CRYM: variants seen among roughly 807,000 people sequenced by gnomAD.
The protein encoded by CRYM is crystallin mu.
Under a neutral mutation model 32.9 loss-of-function variants are expected in CRYM, and 18 were observed. The ratio of observed to expected loss-of-function variants is 0.55; its 90% CI spans 0.38 to 0.81. The LOEUF is 0.81. Among genes scored for constraint, CRYM ranks in the 30% least tolerant of loss-of-function variants. The pLI, the probability that CRYM is intolerant of heterozygous loss-of-function variation, is 0.00. For missense variants in CRYM, 337 were observed against 393.5 expected (o/e 0.86, Z 1.21); for synonymous variants, 153 against 152.4 (o/e 1.00, Z -0.03).
At chr16:21,262,013 T>C in intron 6 of CRYM, 24 bp downstream of exon 6, 2 of 1,613,506 alleles carry the variant, frequency 1.2e-6, no homozygotes, top group Non-Finnish European at 1.7e-6. Context: ...GTGGCAGCCC[T>C]GACTGGGGTC....
rs1386522689 is a variant in CRYM at position 21,261,370 on chromosome 16, G to A, written c.796-32C>T. 5 of 1,577,854 alleles carry A rather than the reference G, an allele frequency of 3.2e-6. No homozygotes were observed. In the African/African-American group the frequency reaches 5.4e-5, roughly 17 times the overall value. On this transcript the variant is annotated intron_variant, in intron 6 of 7. Transcript: ENST00000572914. Reference sequence around the variant, plus strand: ...AACAAACATACGCTGACCCAGGCATGAAGCTAAAGTCTGTGCAGGGTTGGC... The same window carrying A: ...AACAAACATACGCTGACCCAGGCATAAAGCTAAAGTCTGTGCAGGGTTGGC...
At position 21,278,270 on chromosome 16, in the gene CRYM, T is replaced by C. The variant is rs1478053945; in HGVS notation, c.-19A>G. 1.3e-6 allele frequency: 2 copies of C among 1,578,712 alleles called. No individual in the cohort carries two copies. Among genetic ancestry groups the C allele is most frequent in the Admixed American group, 1.8e-5 (1 of 56,816 alleles). ...GGCTCATCTCGCCACCTGTGCCTTC[T>C]AACCTCAGTCTCCGCACCGCGATCC... On this transcript the variant is annotated 5_prime_UTR_variant, in exon 1 of 8. Coordinates refer to ENST00000572914, the MANE Select transcript of CRYM (RefSeq NM_001376256.1).
At chr16:21,280,554 C>T (rs1438228768), upstream of CRYM, among the ~76,000 whole-genome samples, 3 of 152,108 alleles carry the variant, frequency 2.0e-5, no homozygotes, top group Admixed American at 6.5e-5. Flanking sequence ...AGAGTTTAGA[C>T]ACAACTGAGC....
Position 21,301,550 on chromosome 16 carries a change from C to T in CRYM, c.-193+1428G>A, listed in dbSNP as rs115162868. 3.3e-3 allele frequency among the ~76,000 whole-genome samples: 502 copies of T among 152,286 alleles called. 4 individuals carry two copies. The highest frequency in any genetic ancestry group is 0.012 in the African/African-American group (487 of 41,576). ...CTGGTGAGGCAACAGGTGGGGCGCA[C>T]TGGAGCTGCGGGATAATAGGTGGAA... On this transcript the variant is annotated intron_variant, in intron 1 of 9. Coordinates refer to the CRYM transcript ENST00000219599.
intron 1 of CRYM, among the ~76,000 whole-genome samples, chr16:21,295,360 C>T (rs1960767111): frequency 6.6e-6 from 1 of 152,188 alleles, no homozygotes; most frequent in African/African-American, 2.4e-5. Context: ...TTAATAATCT[C>T]CATTCTGACT....
At chr16:21,290,058 C>T (rs1319061770) in intron 1 of CRYM, among the ~76,000 whole-genome samples, 1 of 151,706 alleles carries the variant, frequency 6.6e-6, no homozygotes, top group Non-Finnish European at 1.5e-5. Context: ...GTAAAATGGA[C>T]CAATCAGTGT....
At chr16:21,297,081 G>A (rs1555465816) in intron 1 of CRYM, among the ~76,000 whole-genome samples, 1 of 151,386 alleles carries the variant, frequency 6.6e-6, no homozygotes, top group Non-Finnish European at 1.5e-5. Flanking sequence ...ACCTCCAGTC[G>A]AAGTGACCTT....
intron 1 of CRYM, among the ~76,000 whole-genome samples, chr16:21,294,075 T>C (rs1960731432): frequency 1.3e-5 from 2 of 152,214 alleles, no homozygotes; most frequent in Admixed American, 6.5e-5. Context: ...CTTCAAAAAT[T>C]AGCAGAAACT....
At chr16:21,295,729 T>C (rs371772917) in intron 1 of CRYM, among the ~76,000 whole-genome samples, 40 of 152,316 alleles carry the variant, frequency 2.6e-4, no homozygotes, top group African/African-American at 8.4e-4. Flanking sequence ...GGTCAGGAGT[T>C]TGAGACCAGC....
chr16:21,261,207 G>C (rs372317262), intron 7 of CRYM, 47 bp downstream of exon 7: 87 of 1,444,052 alleles, frequency 6.0e-5, no homozygotes, highest in Non-Finnish European at 7.9e-5. Flanking sequence ...GGGTGAACCT[G>C]CCTTGTGCGC....
chr16:21,270,986 C>T (rs1458525678), intron 3 of CRYM, among the ~76,000 whole-genome samples: 1 of 152,190 alleles, frequency 6.6e-6, no homozygotes, highest in Non-Finnish European at 1.5e-5. Flanking sequence ...TTTTCTTCTA[C>T]AGGTCTTTAA....
intron 2 of CRYM, among the ~76,000 whole-genome samples, chr16:21,276,120 T>G (rs1473544959): frequency 6.6e-6 from 1 of 152,194 alleles, no homozygotes; most frequent in African/African-American, 2.4e-5. Flanking sequence ...ACAGCCCAGG[T>G]GATTCCGATA....
intron 3 of CRYM, among the ~76,000 whole-genome samples, chr16:21,273,345 A>G (rs2093380013): frequency 6.6e-6 from 1 of 152,210 alleles, no homozygotes; most frequent in Non-Finnish European, 1.5e-5. Context: ...CCTTATTGAA[A>G]CAGTTCATCT....
chr16:21,277,699 C>T lies in CRYM; in HGVS notation c.171-115G>A. On this transcript the variant is annotated intron_variant, in intron 1 of 7. Coordinates refer to ENST00000572914, the MANE Select transcript of CRYM (RefSeq NM_001376256.1). The surrounding 1 kb of genome is among the most constrained non-coding windows in gnomAD (Gnocchi z 4.2). ...TCCTCACCACCCCACTGGCCCTCTT[C>T]CAGCCCCCGCATCCCTCTGCCCTTC... The T allele has an allele frequency of 1.7e-6, 2 of 1,144,012 alleles. No homozygotes were observed. Among genetic ancestry groups the T allele is most frequent in the Admixed American group, 1.9e-5 (1 of 51,294 alleles). 70.9% of individuals were successfully genotyped at this position (1,144,012 alleles called of 1,614,324 possible). A position where few individuals can be genotyped will look rare whatever the true frequency, so the allele number is the denominator to read the frequency against.
intron 5 of CRYM, among the ~76,000 whole-genome samples, 169 bp downstream of exon 5, chr16:21,267,385 A>G (rs1452524081): frequency 6.6e-6 from 1 of 152,222 alleles, no homozygotes; most frequent in African/African-American, 2.4e-5. Flanking sequence ...GGCATGAGCC[A>G]CTGCACCCAG....
At chr16:21,259,780 G>GTAGA (rs763977235) in intron 7 of CRYM, among the ~76,000 whole-genome samples, 1 of 152,120 alleles carries the variant, frequency 6.6e-6, no homozygotes, top group Non-Finnish European at 1.5e-5. Context: ...TGTAATTTTG[G>GTAGA]TAGATACCTT....
chr16:21,290,518 C>T (rs1159406939), intron 1 of CRYM, among the ~76,000 whole-genome samples: 2 of 152,176 alleles, frequency 1.3e-5, no homozygotes, highest in African/African-American at 4.8e-5. Context: ...TGGCTTCTTT[C>T]TTGAAGTCAG....
intron 5 of CRYM, among the ~76,000 whole-genome samples, chr16:21,263,819 G>A (rs890932551): frequency 6.6e-6 from 1 of 152,238 alleles, no homozygotes; most frequent in Non-Finnish European, 1.5e-5. Context: ...GGAGACTGAG[G>A]GGCGGGGAAG....
intron 5 of CRYM, among the ~76,000 whole-genome samples, chr16:21,265,873 A>G (rs2093362847): frequency 6.6e-6 from 1 of 152,216 alleles, no homozygotes; most frequent in African/African-American, 2.4e-5. Flanking sequence ...TATCATTTAA[A>G]GCTTGGACTC....
Sources: gnomAD v4.1 joint callset for allele counts (sites outside exome capture counted in the v4.1 genomes callset) on GRCh38, gnomAD v4.1.1 for gene constraint, Gnocchi (gnomAD v3.1) non-coding constraint, MANE v1.5 for transcripts, NCBI Gene and HGNC (gene_info 2026-07-23, HGNC 2026-07-21) for gene names.